Variants in UGT1A8 observed in about 807,000 individuals in gnomAD.
UGT1A8 encodes the protein UDP-glucuronosyltransferase 1A8.
In UGT1A8, 39 loss-of-function variants were observed where a neutral mutation model predicts 45.3. That is an observed-to-expected ratio of 0.86 (90% CI 0.67 to 1.12). The LOEUF is 1.12. Among genes scored for constraint, UGT1A8 ranks in the 50% most tolerant of loss-of-function variants. UGT1A8 has a pLI of 0.00. For synonymous variants in UGT1A8, 275 were observed against 249.2 expected (o/e 1.10, Z -0.97); for missense variants, 719 against 664.9 (o/e 1.08, Z -0.90).
intron 1 of UGT1A8, among the ~76,000 whole-genome samples, chr2:233,711,102 G>C (rs1389158237): frequency 6.6e-6 from 1 of 152,178 alleles, no homozygotes; most frequent in African/African-American, 2.4e-5. Context: ...GTGCAGCCCA[G>C]ACCCCTCCTC....
chr2:233,682,709 G>C, intron 1 of UGT1A8: 1 of 1,613,798 alleles, frequency 6.2e-7, no homozygotes, highest in Non-Finnish European at 8.5e-7. Context: ...AACTGACTTT[G>C]TTTTGGAGTA....
chr2:233,672,325 A>G (rs775487623), intron 1 of UGT1A8: 1 of 1,614,096 alleles, frequency 6.2e-7, no homozygotes, highest in Admixed American at 1.7e-5. Context: ...GTTTAAAGAC[A>G]AAAAATTAGT....
chr2:233,745,600 C>G (rs1179957536), intron 1 of UGT1A8, among the ~76,000 whole-genome samples: 2 of 151,524 alleles, frequency 1.3e-5, no homozygotes, highest in African/African-American at 4.9e-5. Context: ...GGACTTGGCA[C>G]TTGGTAAGCA....
In UGT1A8 at chr2:233,769,362, G is replaced by A. The variant is rs1315939386; in HGVS notation, c.1295+923G>A. On this transcript the variant is annotated intron_variant, in intron 4 of 4. Coordinates refer to ENST00000373450, the MANE Select transcript of UGT1A8 (RefSeq NM_019076.5). The surrounding 1 kb of genome is among the most constrained non-coding windows in gnomAD (Gnocchi z 4.4). ...ACCTTATGGGAAGAAGTGGTGGCCAGTGGTAGATTTCATCCGACAATAGAT... is the reference window on the plus strand; with the variant it reads ...ACCTTATGGGAAGAAGTGGTGGCCAATGGTAGATTTCATCCGACAATAGAT... Among the ~76,000 whole-genome samples, 1 of 152,244 alleles carries A rather than the reference G, an allele frequency of 6.6e-6. No homozygotes were observed.
rs543813427 is a variant in UGT1A8, at chr2:233,762,081, T to A, written c.856-4953T>A. Among the ~76,000 whole-genome samples, 15 of 152,334 alleles carry A rather than the reference T, an allele frequency of 9.8e-5. No homozygotes were observed. In the South Asian group the frequency reaches 3.1e-3, roughly 32 times the overall value. On this transcript the variant is annotated intron_variant, in intron 1 of 4. Transcript: ENST00000373450. ...TAGCACATCAAATATGGCAGCCATT[T>A]CACTTAGATAGTTGTTGATTGTCCG...
intron 1 of UGT1A8, chr2:233,672,774 A>G (rs2074241218): frequency 1.2e-6 from 2 of 1,613,672 alleles, no homozygotes; most frequent in Non-Finnish European, 1.7e-6. Flanking sequence ...GCCATCAGGG[A>G]AAGCCGTTGC....
chr2:233,762,916 A>T (rs1698195607), intron 1 of UGT1A8, among the ~76,000 whole-genome samples: 1 of 152,252 alleles, frequency 6.6e-6, no homozygotes, highest in African/African-American at 2.4e-5. Context: ...TATTGAATTT[A>T]TTAGAATCTC....
intron 1 of UGT1A8, among the ~76,000 whole-genome samples, chr2:233,700,694 C>T (rs1168868240): frequency 6.6e-6 from 1 of 151,780 alleles, no homozygotes; most frequent in African/African-American, 2.4e-5. Context: ...ATATAAACTA[C>T]ACTTTGAATG....
In UGT1A8 at chr2:233,772,937, T is replaced by C; in HGVS notation, c.*378T>C. 1 of 341,386 alleles carries C rather than the reference T, an allele frequency of 2.9e-6. No homozygotes were observed. The highest frequency in any genetic ancestry group is 5.4e-6 in the Non-Finnish European group (1 of 186,324). 21.1% of individuals were successfully genotyped at this position (341,386 alleles called of 1,614,324 possible). A position where few individuals can be genotyped will look rare whatever the true frequency, so the allele number is the denominator to read the frequency against. ...CAAATGGCAGTTTTAATCTTATCTT[T>C]TGGCTTCTGCAGATGGTTGCAATTG... On this transcript the variant is annotated 3_prime_UTR_variant, in exon 5 of 5. Coordinates refer to ENST00000373450, the MANE Select transcript of UGT1A8 (RefSeq NM_019076.5).
chr2:233,718,933 G>C, intron 1 of UGT1A8: 1 of 1,614,132 alleles, frequency 6.2e-7, no homozygotes, highest in Non-Finnish European at 8.5e-7. Context: ...CCCACTGATG[G>C]CAGCCCCTGG....
intron 1 of UGT1A8, among the ~76,000 whole-genome samples, chr2:233,749,142 T>G (rs1432365652): frequency 6.6e-6 from 1 of 151,878 alleles, no homozygotes; most frequent in Non-Finnish European, 1.5e-5. Flanking sequence ...GCATATGAAC[T>G]TCCATGACTT....
intron 1 of UGT1A8, among the ~76,000 whole-genome samples, chr2:233,684,990 G>A (rs1326725422): frequency 6.6e-6 from 1 of 152,146 alleles, no homozygotes; most frequent in African/African-American, 2.4e-5. Context: ...TGCAGTGTGT[G>A]TGTATGTGGT....
intron 1 of UGT1A8, among the ~76,000 whole-genome samples, chr2:233,661,050 C>G (rs1041679106): frequency 1.3e-5 from 2 of 151,978 alleles, no homozygotes; most frequent in South Asian, 2.1e-4. Context: ...TTTCTTATAA[C>G]CATCCTACAC....
At chr2:233,717,276 T>C (rs760496544) in intron 1 of UGT1A8, among the ~76,000 whole-genome samples, 4 of 152,156 alleles carry the variant, frequency 2.6e-5, no homozygotes, top group Admixed American at 1.3e-4. Context: ...GTTGAGAAGC[T>C]GAGATGTTGC....
At chr2:233,662,552 T>C (rs1027669884) in intron 1 of UGT1A8, among the ~76,000 whole-genome samples, 11 of 152,226 alleles carry the variant, frequency 7.2e-5, no homozygotes, top group Non-Finnish European at 1.6e-4. Context: ...TTGTTGGAAT[T>C]TCCCCATAGA....
At chr2:233,734,900 C>T (rs1027588472) in intron 1 of UGT1A8, among the ~76,000 whole-genome samples, 1 of 152,158 alleles carries the variant, frequency 6.6e-6, no homozygotes, top group Admixed American at 6.5e-5. Flanking sequence ...GATTTCTATT[C>T]TTTTACATTT....
intron 1 of UGT1A8, among the ~76,000 whole-genome samples, chr2:233,651,108 G>T (rs181941188): frequency 6.6e-6 from 1 of 152,148 alleles, no homozygotes; most frequent in Admixed American, 6.5e-5. Context: ...TCAGCTCTTG[G>T]CAAGAACAGG....
At chr2:233,705,072 G>T (rs2075820474) in intron 1 of UGT1A8, among the ~76,000 whole-genome samples, 1 of 152,036 alleles carries the variant, frequency 6.6e-6, no homozygotes, top group South Asian at 2.1e-4. Flanking sequence ...GGAGGCGGAG[G>T]TTGCAGAGAG....
At position 233,617,969 on chromosome 2, in the gene UGT1A8, C is replaced by A. The variant is rs368298766; in HGVS notation, c.262C>A (p.Arg88=). 1.2e-6 allele frequency: 2 copies of A among 1,614,108 alleles called. No homozygotes were observed. Among genetic ancestry groups the A allele is most frequent in the Middle Eastern group, 1.6e-4 (1 of 6,062 alleles). The change falls in exon 1 of 5, where the codon CGG becomes AGG. Residue 88 remains arginine (R), a synonymous_variant. Coordinates refer to ENST00000373450, the MANE Select transcript of UGT1A8 (RefSeq NM_019076.5). ...STSYTLEDLD[R]EFMDFADAQW... is the part of the protein sequence containing the mutation. ...CTCATACACTCTGGAGGATCTGGAC[C>A]GGGAATTCATGGATTTCGCCGATGC...
Sources: allele counts gnomAD v4.1 joint callset (sites outside exome capture counted in the v4.1 genomes callset), GRCh38; gene constraint gnomAD v4.1.1; non-coding constraint Gnocchi (gnomAD v3.1); transcripts MANE v1.5; gene names NCBI Gene and HGNC (gene_info 2026-07-23, HGNC 2026-07-21).